Variants in MXRA7 observed in about 807,000 individuals in gnomAD.
The protein encoded by MXRA7 is matrix remodeling associated 7, also known as matrix-remodeling-associated protein 7.
Under a neutral mutation model 17.4 loss-of-function variants are expected in MXRA7, and 18 were observed. The ratio of observed to expected loss-of-function variants is 1.03; its 90% CI spans 0.71 to 1.53. The LOEUF (loss-of-function observed/expected upper bound fraction) is 1.53. Among genes scored for constraint, MXRA7 ranks in the 40% most tolerant of loss-of-function variants. The pLI is 0.00. For missense variants in MXRA7, 141 were observed against 209.3 expected (o/e 0.67, Z 2.01); for synonymous variants, 70 against 101.7 (o/e 0.69, Z 1.87).
At chr17:76,690,264 C>T (rs2076465457) in intron 1 of MXRA7, 1 of 152,112 alleles carries the variant, frequency 6.6e-6, no homozygotes, top group African/African-American at 2.4e-5. Flanking sequence ...CTTTTCCTTT[C>T]CGTCTTATAG....
In MXRA7 at chr17:76,696,120, C is replaced by G. The variant is rs940308929; in HGVS notation, c.343-7944G>C. On this transcript the variant is annotated intron_variant, in intron 1 of 3. Transcript: ENST00000449428. ...AAAAAGAAAAAAAGAAAGAAAGAAA[C>G]AGTGTGCAGAAATGCAGGGTCTGCA... Among the ~76,000 whole-genome samples the G allele has an allele frequency of 3.9e-5, 6 of 151,978 alleles. No individual in the cohort carries two copies. The South Asian group carries it at 1.0e-3, about 26-fold the overall frequency.
At chr17:76,701,494 G>A (rs758621857) in intron 1 of MXRA7, among the ~76,000 whole-genome samples, 16 of 152,048 alleles carry the variant, frequency 1.1e-4, no homozygotes, top group South Asian at 2.1e-4. Flanking sequence ...AGAGCTGGGC[G>A]TATAGATGTG....
At chr17:76,688,047 C>T (rs1298142891) in intron 2 of MXRA7, 66 bp downstream of exon 2, 2 of 1,530,746 alleles carry the variant, frequency 1.3e-6, no homozygotes, top group Non-Finnish European at 1.8e-6. Context: ...TCCTGTGATC[C>T]CCAGCAGGAC....
intron 1 of MXRA7, among the ~76,000 whole-genome samples, chr17:76,704,677 T>C (rs11867906): frequency 0.47 from 70,022 of 148,638 alleles, 16,299 homozygotes; most frequent in Admixed American, 0.49. Context: ...CCCAGCTATT[T>C]GGGAGGCTGA....
Position 76,679,605 on chromosome 17 carries a change from A to G in MXRA7, c.*1262T>C. ...TACTCAAAGTTTATTGGACTGAACA[A>G]AGGCTGAATACAGAGATCCAAGCCA... On this transcript the variant is annotated 3_prime_UTR_variant, in exon 4 of 4. Coordinates refer to ENST00000449428, the MANE Select transcript of MXRA7 (RefSeq NM_198530.4). 1.0e-6 allele frequency: 1 copy of G among 974,572 alleles called. No individual in the cohort carries two copies. The highest frequency in any genetic ancestry group is 4.8e-5 in the South Asian group (1 of 21,024). The allele number at this position is 974,572 out of a possible 1,614,324, so 60.4% of individuals were successfully genotyped here.
At chr17:76,679,516 G>T, downstream of MXRA7, 1 of 832,572 alleles carries the variant, frequency 1.2e-6, no homozygotes, top group Non-Finnish European at 1.4e-6. Context: ...ACTTCAATGG[G>T]TTCAAAAGGG....
intron 1 of MXRA7, among the ~76,000 whole-genome samples, chr17:76,701,147 G>A (rs191926578): frequency 1.3e-5 from 2 of 152,176 alleles, no homozygotes; most frequent in East Asian, 3.9e-4. Flanking sequence ...AGCCTGGCAG[G>A]GGTGGGGAGG....
chr17:76,683,913 G>C (rs753031180), intron 3 of MXRA7: 1 of 1,613,926 alleles, frequency 6.2e-7, no homozygotes, highest in African/African-American at 1.3e-5. Context: ...AGTGAGGTCA[G>C]AGGTCAGCTC....
At chr17:76,683,889 A>G in intron 3 of MXRA7, 1 of 1,614,170 alleles carries the variant, frequency 6.2e-7, no homozygotes, top group Non-Finnish European at 8.5e-7. Flanking sequence ...GACCTAAGGA[A>G]CTTGCTACAG....
chr17:76,706,964 T>C (rs535964464), intron 1 of MXRA7, among the ~76,000 whole-genome samples: 1 of 152,156 alleles, frequency 6.6e-6, no homozygotes, highest in Non-Finnish European at 1.5e-5. Flanking sequence ...ATGTAACTAT[T>C]TGAATCATGA....
rs544347787 is a variant in MXRA7, at chr17:76,681,439, C to T, written c.501-560G>A. On this transcript the variant is annotated intron_variant, in intron 3 of 3. Coordinates refer to ENST00000449428, the MANE Select transcript of MXRA7 (RefSeq NM_198530.4). This position sits in a 1 kb window ranked among gnomAD's most constrained non-coding sequence, Gnocchi z 4.7. ...CCTCTCCTGGTGGTCACAGTCAGCA[C>T]GCATTTCCAGCCTGAGCTGGAAATT... Among the ~76,000 whole-genome samples, 9 of 152,174 alleles carry T rather than the reference C, an allele frequency of 5.9e-5. No homozygotes were observed. In the South Asian group the frequency reaches 1.5e-3, roughly 25 times the overall value.
downstream of MXRA7, chr17:76,679,562 A>G: frequency 2.1e-6 from 2 of 975,048 alleles, no homozygotes; most frequent in Non-Finnish European, 2.4e-6. Flanking sequence ...GAAAAAACAC[A>G]CAGTAATTGA....
downstream of MXRA7, chr17:76,677,767 G>A (rs2076253145): frequency 4.3e-6 from 5 of 1,173,668 alleles, no homozygotes; most frequent in African/African-American, 1.5e-5. Context: ...GAGGGAGCCT[G>A]TGTGCAGCCG....
chr17:76,696,365 TA>T (rs1191349896), intron 1 of MXRA7, among the ~76,000 whole-genome samples: 9 of 151,482 alleles, frequency 5.9e-5, no homozygotes, highest in African/African-American at 2.2e-4. Flanking sequence ...TATAAAAAAT[TA>T]ACAAATTAGC....
chr17:76,696,715 A>G (rs2076536397), intron 1 of MXRA7, among the ~76,000 whole-genome samples: 3 of 152,086 alleles, frequency 2.0e-5, no homozygotes. Flanking sequence ...TAAAGGCCCA[A>G]ACTGCGATGC....
chr17:76,681,757 G>GTTCT lies in MXRA7; in HGVS notation c.501-882_501-879dup, dbSNP rs1283762322. Among the ~76,000 whole-genome samples, 1 of 152,186 alleles carries GTTCT rather than the reference G, an allele frequency of 6.6e-6. No homozygotes were observed. Among genetic ancestry groups the GTTCT allele is most frequent in the Non-Finnish European group, 1.5e-5 (1 of 68,040 alleles). The stretch of plus-strand genomic sequence containing the variant: ...TGGAGAGGAGCTGACAGCCGCGCCT[G>GTTCT]TTCTTTCTCCTGCCAAGCTGTGAAG... On this transcript the variant is annotated intron_variant, in intron 3 of 3. Coordinates refer to ENST00000449428, the MANE Select transcript of MXRA7 (RefSeq NM_198530.4). The surrounding 1 kb of genome is among the most constrained non-coding windows in gnomAD (Gnocchi z 4.7).
At chr17:76,690,311 G>C (rs2076466317) in intron 1 of MXRA7, 1 of 152,090 alleles carries the variant, frequency 6.6e-6, no homozygotes, top group Non-Finnish European at 1.5e-5. Flanking sequence ...TAATATGCAT[G>C]AATGACTAAA....
chr17:76,697,204 GA>G (rs990518418), intron 1 of MXRA7, among the ~76,000 whole-genome samples: 2 of 152,164 alleles, frequency 1.3e-5, no homozygotes, highest in African/African-American at 4.8e-5. Flanking sequence ...CTTATAAGAG[GA>G]AACTCGGACA....
intron 1 of MXRA7, among the ~76,000 whole-genome samples, chr17:76,697,327 G>A (rs2076542867): frequency 6.6e-6 from 1 of 152,152 alleles, no homozygotes; most frequent in African/African-American, 2.4e-5. Flanking sequence ...CCGAACCTGC[G>A]GACACCCTGA....
Sources: gnomAD v4.1 joint callset for allele counts (sites outside exome capture counted in the v4.1 genomes callset) on GRCh38, gnomAD v4.1.1 for gene constraint, Gnocchi (gnomAD v3.1) non-coding constraint, MANE v1.5 for transcripts, NCBI Gene and HGNC (gene_info 2026-07-23, HGNC 2026-07-21) for gene names.